Variants in ATP9B observed in about 807,000 individuals in gnomAD.
ATP9B encodes probable phospholipid-transporting ATPase IIB.
Under a neutral mutation model 146.1 loss-of-function variants are expected in ATP9B, and 110 were observed. The ratio of observed to expected loss-of-function variants is 0.75; its 90% CI spans 0.65 to 0.88. The LOEUF is 0.88. Ranked by LOEUF, ATP9B falls within the 40% of genes least tolerant of loss-of-function variation. ATP9B has a pLI of 0.00. For missense variants in ATP9B, 1,499 were observed against 1,496.4 expected (o/e 1.00, Z -0.03); for synonymous variants, 604 against 569.7 (o/e 1.06, Z -0.86).
At chr18:79,329,884 G>A in intron 16 of ATP9B, 128 bp from the exon 17 acceptor site, 1 of 791,038 alleles carries the variant, frequency 1.3e-6, no homozygotes, top group Non-Finnish European at 2.1e-6. Flanking sequence ...ACACGTGTGA[G>A]GAGCTTAACA....
intron 2 of ATP9B, among the ~76,000 whole-genome samples, chr18:79,101,906 C>T (rs2075304444): frequency 6.6e-6 from 1 of 152,104 alleles, no homozygotes; most frequent in South Asian, 2.1e-4. Context: ...CTCTGTCAGA[C>T]ATGTAGTTGG....
intron 15 of ATP9B, among the ~76,000 whole-genome samples, chr18:79,309,734 T>G (rs1163824369): frequency 6.6e-6 from 1 of 152,130 alleles, no homozygotes; most frequent in Non-Finnish European, 1.5e-5. Flanking sequence ...ATGAAAATGT[T>G]TTGAAATAGA....
At chr18:79,231,150 G>A (rs191706874) in intron 11 of ATP9B, among the ~76,000 whole-genome samples, 40 of 152,058 alleles carry the variant, frequency 2.6e-4, no homozygotes, top group African/African-American at 9.6e-4. Context: ...ATAGATAGAC[G>A]CGACATAAAC....
intron 25 of ATP9B, among the ~76,000 whole-genome samples, chr18:79,355,475 C>T (rs1023437039): frequency 1.3e-5 from 2 of 152,102 alleles, no homozygotes. Flanking sequence ...AATGCCGTGA[C>T]TGGGCTCAGC....
chr18:79,096,734 A>G, intron 2 of ATP9B, 85 bp downstream of exon 2: 5 of 1,078,166 alleles, frequency 4.6e-6, no homozygotes, highest in Non-Finnish European at 6.5e-6. Context: ...AGCTATATTA[A>G]TATAAAAACT....
intron 1 of ATP9B, among the ~76,000 whole-genome samples, chr18:79,094,478 AAG>A (rs1277796368): frequency 6.6e-6 from 1 of 152,168 alleles, no homozygotes; most frequent in African/African-American, 2.4e-5. Flanking sequence ...GTTGTGTGAA[AAG>A]AGAGAACTAC....
intron 26 of ATP9B, among the ~76,000 whole-genome samples, chr18:79,369,440 G>GGA (rs1443560794): frequency 1.4e-4 from 21 of 151,126 alleles, no homozygotes; most frequent in African/African-American, 4.9e-4. Context: ...GGCTGAGGTA[G>GGA]GAGAATGGCG....
rs78647713 is a variant in ATP9B at position 79,256,461 on chromosome 18, A to G, written c.1268+2920A>G. Among the ~76,000 whole-genome samples, 711 of 150,974 alleles carry G rather than the reference A, an allele frequency of 4.7e-3. 9 individuals are homozygous for G. Among genetic ancestry groups the G allele is most frequent in the African/African-American group, 0.016 (643 of 41,250 alleles). On this transcript the variant is annotated intron_variant, in intron 12 of 29. Coordinates refer to ENST00000426216, the MANE Select transcript of ATP9B (RefSeq NM_198531.5). ...ATTAATACTTTATTTGCATTAATTT[A>G]TGTCACCTTGTTTTTGCTGTTTGTT...
chr18:79,277,254 T>C, intron 13 of ATP9B, 58 bp downstream of exon 13: 1 of 1,583,870 alleles, frequency 6.3e-7, no homozygotes, highest in Non-Finnish European at 8.7e-7. Context: ...TAATAAAAAA[T>C]AGCATAGCGT....
At chr18:79,221,040 C>T (rs1384813448) in intron 11 of ATP9B, among the ~76,000 whole-genome samples, 2 of 152,202 alleles carry the variant, frequency 1.3e-5, no homozygotes, top group African/African-American at 4.8e-5. Context: ...CCACATAATC[C>T]CTGCTACATA....
At position 79,239,962 on chromosome 18, in the gene ATP9B, C is replaced by T. The variant is rs563377328; in HGVS notation, c.1108-13419C>T. Among the ~76,000 whole-genome samples the T allele has an allele frequency of 2.4e-4, 37 of 152,200 alleles. No individual in the cohort carries two copies. Among genetic ancestry groups the T allele is most frequent in the Non-Finnish European group, 4.3e-4 (29 of 68,040 alleles). The stretch of plus-strand genomic sequence containing the variant: ...CGGTGACCAGCAGATCACCACGCCT[C>T]AGGGGCCCCACACCCGCGGTCTCTT... On this transcript the variant is annotated intron_variant, in intron 11 of 29. Transcript: ENST00000426216. The surrounding 1 kb of genome is among the most constrained non-coding windows in gnomAD (Gnocchi z 5.1).
rs1187408895 is a variant in ATP9B at position 79,069,434 on chromosome 18, C to T, written c.24C>T (p.Tyr8=). Residue 8 remains tyrosine, a synonymous_variant, in exon 1 of 30, where the codon TAC becomes TAT. Coordinates refer to ENST00000426216, the MANE Select transcript of ATP9B (RefSeq NM_198531.5). MADQIPL[Y]PVRSAAAAAA... ...ACATGGCGGACCAGATCCCGCTTTACCCGGTGCGTAGCGCAGCGGCGGCCG... is the reference window on the plus strand; with the variant it reads ...ACATGGCGGACCAGATCCCGCTTTATCCGGTGCGTAGCGCAGCGGCGGCCG... 7 of 1,522,006 alleles carry T rather than the reference C, an allele frequency of 4.6e-6. No homozygotes were observed. Among genetic ancestry groups the T allele is most frequent in the East Asian group, 5.5e-5 (2 of 36,232 alleles). 94.3% of individuals were successfully genotyped at this position (1,522,006 alleles called of 1,614,324 possible). A position where few individuals can be genotyped will look rare whatever the true frequency, so the allele number is the denominator to read the frequency against.
intron 2 of ATP9B, among the ~76,000 whole-genome samples, chr18:79,097,672 G>T (rs11873417): frequency 6.9e-6 from 1 of 145,760 alleles, no homozygotes; most frequent in Non-Finnish European, 1.5e-5. Context: ...TGATGGTTTC[G>T]AATTTCATCC....
intron 26 of ATP9B, 191 bp downstream of exon 26, chr18:79,359,653 G>A: frequency 1.8e-6 from 1 of 567,358 alleles, no homozygotes; most frequent in Non-Finnish European, 3.2e-6. Context: ...TTCAAAAGGG[G>A]AAAAACATCT....
intron 15 of ATP9B, among the ~76,000 whole-genome samples, chr18:79,324,623 C>G (rs2096734109): frequency 6.6e-6 from 1 of 152,122 alleles, no homozygotes; most frequent in East Asian, 1.9e-4. Flanking sequence ...ACCTGGAGGA[C>G]CAACAGGTGC....
rs35595923 is a variant in ATP9B at position 79,281,497 on chromosome 18, C to CAA, written c.1411+4311_1411+4312dup. Among the ~76,000 whole-genome samples, 5 of 137,570 alleles carry CAA rather than the reference C, an allele frequency of 3.6e-5. No homozygotes were observed. The East Asian group carries it at 1.0e-3, about 29-fold the overall frequency. 90.3% of individuals were successfully genotyped at this position (137,570 alleles called of 152,430 possible). On this transcript the variant is annotated intron_variant, in intron 13 of 29. Coordinates refer to ENST00000426216, the MANE Select transcript of ATP9B (RefSeq NM_198531.5). ...GGGCAACAGGAGTAAAACTCCATTT[C>CAA]AAAAAAAAAAAGTAAGACAAAGCAT... is the stretch of plus-strand genomic sequence containing the variant.
intron 23 of ATP9B, among the ~76,000 whole-genome samples, chr18:79,347,412 C>A (rs542255727): frequency 1.3e-5 from 2 of 150,440 alleles, no homozygotes; most frequent in African/African-American, 5.0e-5. Context: ...AGGGCTGGCC[C>A]ATGTCAGATC....
chr18:79,343,549 T>C (rs2096869784), intron 20 of ATP9B: 1 of 152,240 alleles, frequency 6.6e-6, no homozygotes, highest in Non-Finnish European at 1.5e-5. Flanking sequence ...AAAACTAAAC[T>C]AATGGAGTAA....
intron 12 of ATP9B, among the ~76,000 whole-genome samples, chr18:79,270,071 C>T (rs2096240977): frequency 6.6e-6 from 1 of 151,986 alleles, no homozygotes; most frequent in Non-Finnish European, 1.5e-5. Flanking sequence ...GGACTTGCCG[C>T]TTGTCTTTGC....
Sources: allele counts gnomAD v4.1 joint callset (sites outside exome capture counted in the v4.1 genomes callset), GRCh38; gene constraint gnomAD v4.1.1; non-coding constraint Gnocchi (gnomAD v3.1); transcripts MANE v1.5; gene names NCBI Gene and HGNC (gene_info 2026-07-23, HGNC 2026-07-21).